The following ZNF107 variants were observed in gnomAD, a reference collection of about 807,000 sequenced individuals.
The protein encoded by ZNF107 is C2H2 type zinc-finger protein.
Under a neutral mutation model 12.3 loss-of-function variants are expected in ZNF107, and 19 were observed. The observed-to-expected ratio is 1.55, with a 90% CI of 1.08 to 2.27. The LOEUF is 2.27. ZNF107 is among the 30% of genes most tolerant of loss of function. The pLI is 0.00. For missense variants in ZNF107, 958 were observed against 979.9 expected (o/e 0.98, Z 0.30); for synonymous variants, 317 against 330.5 (o/e 0.96, Z 0.44).
chr7:64,668,739 GT>G (rs1789104906), intron 1 of ZNF107, among the ~76,000 whole-genome samples: 2 of 151,966 alleles, frequency 1.3e-5, no homozygotes, highest in African/African-American at 4.8e-5. Flanking sequence ...ACTCAGGTGT[GT>G]TTTTTATGGC....
chr7:64,694,140 G>A (rs1790210124), intron 3 of ZNF107, among the ~76,000 whole-genome samples: 1 of 152,234 alleles, frequency 6.6e-6, no homozygotes, highest in Admixed American at 6.5e-5. Flanking sequence ...GGATCAGGGA[G>A]CTGGAACTGA....
intron 3 of ZNF107, among the ~76,000 whole-genome samples, chr7:64,705,665 C>G (rs987739674): frequency 6.9e-6 from 1 of 144,666 alleles, no homozygotes; most frequent in Admixed American, 6.9e-5. Flanking sequence ...CAGACATGTT[C>G]TTAAGATGTG....
intron 3 of ZNF107, among the ~76,000 whole-genome samples, chr7:64,699,497 T>C (rs28537641): frequency 0.35 from 52,874 of 152,000 alleles, 9,706 homozygotes; most frequent in Non-Finnish European, 0.4. Flanking sequence ...CATGACTGGC[T>C]CACTGCAGCC....
rs756985768 is a variant in ZNF107, at chr7:64,709,698, CA to C, written c.*1045del. 2 of 455,618 alleles carry C rather than the reference CA, an allele frequency of 4.4e-6. No homozygotes were observed. The highest frequency in any genetic ancestry group is 3.1e-5 in the South Asian group (2 of 64,462). The allele number at this position is 455,618 out of a possible 1,614,324, so 28.2% of individuals were successfully genotyped here. A position where few individuals can be genotyped will look rare whatever the true frequency, so the allele number is the denominator to read the frequency against. ...GCATTTATACTTCAGAAAGATTGTA[CA>C]AATACAAGGAATGTGGAAAAGCCAT... is the stretch of plus-strand genomic sequence containing the variant. On this transcript the variant is annotated 3_prime_UTR_variant, in exon 4 of 4. Transcript: ENST00000620827.
chr7:64,667,709 G>C (rs1789056772), intron 1 of ZNF107, among the ~76,000 whole-genome samples: 1 of 152,214 alleles, frequency 6.6e-6, no homozygotes, highest in Admixed American at 6.5e-5. Flanking sequence ...AGGTTGGAGT[G>C]TAGCCTCTCA....
Position 64,708,340 on chromosome 7 carries a change from T to A in ZNF107, c.2243T>A (p.Leu748His), listed in dbSNP as rs1262301528. The part of the protein sequence containing the change: ...CGKAFNLSST[L>H]TAHKKIHTGE... ...AAAGCTTTTAACCTATCCTCAACCC[T>A]TACTGCACATAAGAAAATTCATACT... is the stretch of plus-strand genomic sequence containing the variant. The change falls in exon 4 of 4, where the codon CTT becomes CAT. Residue 748 changes from leucine (L) to histidine (H), a missense_variant. By Grantham distance (99) the Leu-to-His change is moderately conservative (BLOSUM62 -3). Coordinates refer to ENST00000620827, the MANE Select transcript of ZNF107 (RefSeq NM_001282359.2). 5.6e-6 allele frequency: 9 copies of A among 1,613,016 alleles called. No individual in the cohort carries two copies. The highest frequency in any genetic ancestry group is 7.6e-6 in the Non-Finnish European group (9 of 1,179,750).
At chr7:64,684,829 C>G (rs1789836940) in intron 1 of ZNF107, 1 of 686,936 alleles carries the variant, frequency 1.5e-6, no homozygotes, top group Non-Finnish European at 1.8e-6. Flanking sequence ...CCTTTGGCTA[C>G]CTGGCATGGC....
chr7:64,686,480 C>T lies in ZNF107; in HGVS notation c.4-4768C>T, dbSNP rs962463343. On this transcript the variant is annotated intron_variant, in intron 1 of 3. Coordinates refer to ENST00000620827, the MANE Select transcript of ZNF107 (RefSeq NM_001282359.2). ...CTCTCTCCCAATTAGGAGTCCATGC[C>T]GCCCCAAGTCCCGCTCGAAGAATCC... The T allele has an allele frequency of 1.7e-5, 17 of 983,776 alleles. No individual in the cohort carries two copies. In the African/African-American group the frequency reaches 1.7e-4, roughly 10 times the overall value. The allele number at this position is 983,776 out of a possible 1,614,324, so 60.9% of individuals were successfully genotyped here.
intron 3 of ZNF107, among the ~76,000 whole-genome samples, chr7:64,704,768 A>G (rs1214849646): frequency 1.3e-5 from 2 of 152,040 alleles, no homozygotes; most frequent in Non-Finnish European, 2.9e-5. Context: ...CTCCACCTCC[A>G]GGGTTCAAGC....
At chr7:64,680,350 C>T (rs1418816855) in intron 1 of ZNF107, among the ~76,000 whole-genome samples, 2 of 152,156 alleles carry the variant, frequency 1.3e-5, no homozygotes, top group African/African-American at 4.8e-5. Flanking sequence ...ACTTAAATGT[C>T]ATCCTCACTT....
At chr7:64,697,447 G>A (rs561544160) in intron 3 of ZNF107, among the ~76,000 whole-genome samples, 6 of 152,176 alleles carry the variant, frequency 3.9e-5, no homozygotes, top group East Asian at 1.9e-4. Context: ...GTGTAAAAGC[G>A]TTCTTATTTC....
At chr7:64,677,475 T>G (rs200295730) in intron 1 of ZNF107, among the ~76,000 whole-genome samples, 3 of 824 alleles carry the variant, frequency 3.6e-3, no homozygotes, top group Non-Finnish European at 7.4e-3. Flanking sequence ...CCTCGCCGGA[T>G]TTTTTTTTTT....
At chr7:64,666,432 G>A (rs542909451) in intron 1 of ZNF107, 147 bp downstream of exon 1, 3 of 1,131,530 alleles carry the variant, frequency 2.7e-6, no homozygotes, top group Non-Finnish European at 3.8e-6. Context: ...CCGCGGCCCC[G>A]AGTTCTCCTT....
At chr7:64,669,803 AT>A (rs1268093989) in intron 1 of ZNF107, among the ~76,000 whole-genome samples, 11 of 152,220 alleles carry the variant, frequency 7.2e-5, no homozygotes, top group African/African-American at 2.7e-4. Flanking sequence ...AAAAGAAAAA[AT>A]AATTTCCTTC....
At chr7:64,678,546 C>G (rs548438803) in intron 1 of ZNF107, among the ~76,000 whole-genome samples, 50 of 152,160 alleles carry the variant, frequency 3.3e-4, no homozygotes, top group Non-Finnish European at 5.9e-4. Context: ...ACAATATTTA[C>G]TTTGAATGAA....
At chr7:64,698,482 G>A (rs1562840569) in intron 3 of ZNF107, among the ~76,000 whole-genome samples, 1 of 151,738 alleles carries the variant, frequency 6.6e-6, no homozygotes. Flanking sequence ...GAGTGCAGTG[G>A]TGTGATCTCA....
intron 1 of ZNF107, 43 bp downstream of exon 1, chr7:64,666,328 T>C: frequency 6.2e-7 from 1 of 1,603,968 alleles, no homozygotes. Context: ...GGGGAGGGGC[T>C]GGTTGGAACC....
At position 64,711,163 on chromosome 7, in the gene ZNF107, G is replaced by T. The variant is rs1790875807; in HGVS notation, c.*2507G>T. The T allele has an allele frequency of 6.6e-6, 1 of 152,070 alleles. No homozygotes were observed. The highest frequency in any genetic ancestry group is 2.1e-4 in the South Asian group (1 of 4,828). The allele number at this position is 152,070 out of a possible 1,614,324, so 9.4% of individuals were successfully genotyped here. On this transcript the variant is annotated 3_prime_UTR_variant, in exon 4 of 4. Coordinates refer to ENST00000620827, the MANE Select transcript of ZNF107 (RefSeq NM_001282359.2). ...TACTCAAGGGTTTAGGTAAAAGAGGGTAACAGTATACTACTTGATAACATA... is the reference window on the plus strand; with the variant it reads ...TACTCAAGGGTTTAGGTAAAAGAGGTTAACAGTATACTACTTGATAACATA...
chr7:64,699,773 T>C (rs1326625232), intron 3 of ZNF107, among the ~76,000 whole-genome samples: 1 of 152,088 alleles, frequency 6.6e-6, no homozygotes, highest in Non-Finnish European at 1.5e-5. Flanking sequence ...CAAATAAGAA[T>C]ATTGTACATT....
Sources: gnomAD v4.1 joint callset for allele counts (sites outside exome capture counted in the v4.1 genomes callset) on GRCh38, gnomAD v4.1.1 for gene constraint, MANE v1.5 for transcripts, NCBI Gene and HGNC (gene_info 2026-07-23, HGNC 2026-07-21) for gene names.